CNTN5: variants seen among roughly 807,000 people sequenced by gnomAD.
The protein encoded by CNTN5 is contactin-5.
In CNTN5, 77 loss-of-function variants were observed where a neutral mutation model predicts 129.1. The ratio of observed to expected loss-of-function variants is 0.60; its 90% CI spans 0.50 to 0.72. CNTN5 has a LOEUF of 0.72. CNTN5 is among the 30% of genes least tolerant of loss of function. The pLI is 0.00. For missense variants in CNTN5, 1,478 were observed against 1,328.8 expected (o/e 1.11, Z -1.75); for synonymous variants, 509 against 465.6 (o/e 1.09, Z -1.20).
chr11:99,941,902 T>C (rs888835632), intron 7 of CNTN5, among the ~76,000 whole-genome samples: 6 of 152,048 alleles, frequency 3.9e-5, no homozygotes, highest in Non-Finnish European at 7.4e-5. Context: ...GTAGAACTTA[T>C]AAATTTAGTC....
chr11:99,168,845 T>C (rs1591305592), intron 1 of CNTN5, among the ~76,000 whole-genome samples: 1 of 152,176 alleles, frequency 6.6e-6, no homozygotes, highest in East Asian at 1.9e-4. Flanking sequence ...CTTTGAAAGA[T>C]TTTTCTTGGG....
At chr11:100,061,028 C>A (rs1196645230) in intron 9 of CNTN5, among the ~76,000 whole-genome samples, 184 bp from the exon 10 acceptor site, 1 of 152,172 alleles carries the variant, frequency 6.6e-6, no homozygotes, top group African/African-American at 2.4e-5. Context: ...AAAGGAAATT[C>A]TTTTTATAAT....
chr11:99,377,090 G>T (rs762183547), intron 2 of CNTN5, among the ~76,000 whole-genome samples: 2 of 152,006 alleles, frequency 1.3e-5, no homozygotes, highest in Non-Finnish European at 1.5e-5. Flanking sequence ...GTCAGGAAGC[G>T]GGTCAATTAT....
chr11:99,307,165 C>T (rs1365240349), intron 1 of CNTN5, among the ~76,000 whole-genome samples: 1 of 152,132 alleles, frequency 6.6e-6, no homozygotes, highest in Non-Finnish European at 1.5e-5. Flanking sequence ...CCTCATATGG[C>T]ATACAAGAAA....
At chr11:100,200,678 C>T (rs1326358448) in intron 15 of CNTN5, among the ~76,000 whole-genome samples, 1 of 151,718 alleles carries the variant, frequency 6.6e-6, no homozygotes, top group Non-Finnish European at 1.5e-5. Flanking sequence ...ATTCTGTAAT[C>T]TCTGAGGGGA....
At chr11:99,239,631 A>G (rs1000951959) in intron 1 of CNTN5, among the ~76,000 whole-genome samples, 1 of 152,174 alleles carries the variant, frequency 6.6e-6, no homozygotes, top group Non-Finnish European at 1.5e-5. Context: ...GGATGGAACT[A>G]GAAGTCTCAA....
At chr11:99,227,389 T>C (rs931675415) in intron 1 of CNTN5, among the ~76,000 whole-genome samples, 3 of 151,340 alleles carry the variant, frequency 2.0e-5, no homozygotes, top group African/African-American at 7.3e-5. Flanking sequence ...AAAATTATGA[T>C]AAGCCTAATA....
chr11:99,827,945 C>G (rs1280881825), intron 4 of CNTN5, among the ~76,000 whole-genome samples: 9 of 152,060 alleles, frequency 5.9e-5, no homozygotes, highest in Non-Finnish European at 1.5e-5. Context: ...CAGAGATGTA[C>G]TTTTTACATT....
intron 1 of CNTN5, among the ~76,000 whole-genome samples, chr11:99,146,894 G>A (rs1859810689): frequency 6.6e-6 from 1 of 151,824 alleles, no homozygotes. Context: ...GCTAATTTTT[G>A]TACTTTTTGT....
intron 3 of CNTN5, among the ~76,000 whole-genome samples, chr11:99,609,989 A>G (rs1006684951): frequency 5.9e-5 from 9 of 152,156 alleles, no homozygotes; most frequent in South Asian, 4.1e-4. Flanking sequence ...TTCAATCCTT[A>G]TAACATGTTT....
At chr11:99,949,259 C>T (rs1950619635) in intron 7 of CNTN5, among the ~76,000 whole-genome samples, 1 of 152,122 alleles carries the variant, frequency 6.6e-6, no homozygotes, top group Admixed American at 6.6e-5. Flanking sequence ...CCACTGGTGT[C>T]TTGATTTAAT....
chr11:99,695,379 A>G (rs143111191), intron 3 of CNTN5, among the ~76,000 whole-genome samples: 430 of 152,144 alleles, frequency 2.8e-3, no homozygotes, highest in African/African-American at 9.7e-3. Context: ...CAAATGTCTG[A>G]ATTAGATCCA....
At chr11:99,969,266 C>A (rs1257387326) in intron 8 of CNTN5, among the ~76,000 whole-genome samples, 2 of 152,056 alleles carry the variant, frequency 1.3e-5, no homozygotes, top group African/African-American at 4.8e-5. Flanking sequence ...CTAACTTAGT[C>A]TTTTTCTTGA....
At chr11:99,032,696 A>G (rs2135097825) in intron 1 of CNTN5, among the ~76,000 whole-genome samples, 1 of 149,620 alleles carries the variant, frequency 6.7e-6, no homozygotes, top group East Asian at 2.0e-4. Flanking sequence ...GGTTGCGAAA[A>G]TTTTCTCCCA....
chr11:99,273,843 T>C (rs1363167224), intron 1 of CNTN5, among the ~76,000 whole-genome samples: 2 of 151,576 alleles, frequency 1.3e-5, no homozygotes, highest in East Asian at 1.9e-4. Context: ...CTACAAGATA[T>C]AAAAATATTT....
At chr11:99,508,973 G>A (rs1215501437) in intron 2 of CNTN5, among the ~76,000 whole-genome samples, 1 of 152,014 alleles carries the variant, frequency 6.6e-6, no homozygotes, top group Admixed American at 6.6e-5. Context: ...GAGCCACCAT[G>A]CCCGGCCGCC....
intron 1 of CNTN5, among the ~76,000 whole-genome samples, chr11:99,261,738 G>T (rs1862638596): frequency 6.6e-6 from 1 of 151,970 alleles, no homozygotes; most frequent in South Asian, 2.1e-4. Flanking sequence ...AAGGTGATAG[G>T]TGTATTTGAA....
At chr11:100,249,340 C>T (rs1388749270) in intron 16 of CNTN5, among the ~76,000 whole-genome samples, 1 of 152,144 alleles carries the variant, frequency 6.6e-6, no homozygotes. Flanking sequence ...TGCTGGGGAA[C>T]CCTTTATTGA....
At chr11:99,027,813 T>C (rs1467600566) in intron 1 of CNTN5, among the ~76,000 whole-genome samples, 2 of 151,630 alleles carry the variant, frequency 1.3e-5, no homozygotes, top group African/African-American at 4.8e-5. Flanking sequence ...AATTTATGTG[T>C]TTGGGGGAAT....
Sources: gnomAD v4.1 joint callset for allele counts (sites outside exome capture counted in the v4.1 genomes callset) on GRCh38, gnomAD v4.1.1 for gene constraint, MANE v1.5 for transcripts, NCBI Gene and HGNC (gene_info 2026-07-23, HGNC 2026-07-21) for gene names.